Variants in CDKAL1 observed in about 807,000 individuals in gnomAD.
The protein encoded by CDKAL1 is CDKAL1 threonylcarbamoyladenosine tRNA methylthiotransferase, also known as threonylcarbamoyladenosine tRNA methylthiotransferase.
In CDKAL1, 32 loss-of-function variants were observed where a neutral mutation model predicts 68.2. The observed-to-expected ratio is 0.47, with a 90% CI of 0.35 to 0.63. The LOEUF (loss-of-function observed/expected upper bound fraction) is 0.63, where lower values mean the gene tolerates loss of function less well. CDKAL1 is among the 30% of genes least tolerant of loss of function. The pLI is 0.00. For missense variants in CDKAL1, 606 were observed against 696.7 expected, an observed-to-expected ratio of 0.87 and a Z score of 1.47; for synonymous variants, 234 against 244.3, an observed-to-expected ratio of 0.96 and a Z score of 0.39.
intron 8 of CDKAL1, among the ~76,000 whole-genome samples, chr6:20,826,628 T>C (rs1453418144): frequency 6.6e-6 from 1 of 152,162 alleles, no homozygotes; most frequent in Admixed American, 6.6e-5. Context: ...TGCTGCGAGA[T>C]GCATGTGAGT....
intron 8 of CDKAL1, among the ~76,000 whole-genome samples, chr6:20,786,898 A>C (rs1398557928): frequency 2.6e-5 from 4 of 152,128 alleles, no homozygotes; most frequent in African/African-American, 4.8e-5. Flanking sequence ...CATAAAGGAC[A>C]TCTGTGCTTT....
chr6:21,197,157 CAA>C (rs879704581), intron 13 of CDKAL1, among the ~76,000 whole-genome samples: 1 of 140,092 alleles, frequency 7.1e-6, no homozygotes. Context: ...GACTCTGTCT[CAA>C]AAAAAAAAAA....
chr6:21,231,075 C>T lies in CDKAL1; in HGVS notation c.*36C>T. 1 of 1,471,882 alleles carries T rather than the reference C, an allele frequency of 6.8e-7. No individual in the cohort carries two copies. The highest frequency in any genetic ancestry group is 9.3e-7 in the Non-Finnish European group (1 of 1,075,504). 91.2% of individuals were successfully genotyped at this position (1,471,882 alleles called of 1,614,324 possible). A position where few individuals can be genotyped will look rare whatever the true frequency, so the allele number is the denominator to read the frequency against. On this transcript the variant is annotated 3_prime_UTR_variant, in exon 16 of 16. Transcript: ENST00000274695. The stretch of plus-strand genomic sequence containing the variant: ...ATGGAAACATCTATAAAGAAGAATA[C>T]ATTTCTAATTAAAATCTTCAATGAA...
rs192266031 is a variant in CDKAL1 at position 20,938,286 on chromosome 6, G to A, written c.743-17133G>A. ...CTTTCTTACTGTCTGGCACCAGAAA[G>A]TGTTTTAGGCTTACTTTGTACTTTC... On this transcript the variant is annotated intron_variant, in intron 9 of 15. Coordinates refer to ENST00000274695, the MANE Select transcript of CDKAL1 (RefSeq NM_017774.3). Among the ~76,000 whole-genome samples the A allele has an allele frequency of 3.2e-4, 48 of 152,252 alleles. 2 individuals are homozygous for A. In the East Asian group the frequency reaches 9.3e-3, roughly 29 times the overall value.
Position 20,611,686 on chromosome 6 carries a change from AT to A in CDKAL1, c.287-37605del, listed in dbSNP as rs1334875985. Among the ~76,000 whole-genome samples, 4 of 152,138 alleles carry A rather than the reference AT, an allele frequency of 2.6e-5. No individual in the cohort carries two copies. The East Asian group carries it at 7.7e-4, about 29-fold the overall frequency. The stretch of plus-strand genomic sequence containing the variant: ...TGTTATGTGCATACAATGTGTAATG[AT>A]TGAGTCAATATTTGGGGTGTTCATT... On this transcript the variant is annotated intron_variant, in intron 4 of 15. Transcript: ENST00000274695.
At chr6:21,189,665 A>G (rs927872014) in intron 13 of CDKAL1, among the ~76,000 whole-genome samples, 2 of 152,224 alleles carry the variant, frequency 1.3e-5, no homozygotes, top group South Asian at 4.1e-4. Flanking sequence ...TTTCTATGCT[A>G]TCATCATTTT....
intron 9 of CDKAL1, among the ~76,000 whole-genome samples, chr6:20,853,411 A>AC (rs1225043651): frequency 1.4e-5 from 2 of 147,624 alleles, no homozygotes; most frequent in Admixed American, 6.8e-5. Flanking sequence ...ACAAAAAAAA[A>AC]AACCCTATAT....
At chr6:20,747,215 C>T (rs1293775705) in intron 6 of CDKAL1, among the ~76,000 whole-genome samples, 1 of 152,064 alleles carries the variant, frequency 6.6e-6, no homozygotes, top group Non-Finnish European at 1.5e-5. Flanking sequence ...CTTAAATATA[C>T]CACAATTATT....
At chr6:21,078,438 A>T (rs1562012752) in intron 12 of CDKAL1, among the ~76,000 whole-genome samples, 1 of 152,186 alleles carries the variant, frequency 6.6e-6, no homozygotes, top group East Asian at 1.9e-4. Flanking sequence ...TATATGTCAG[A>T]TGTTGTTCTG....
chr6:20,643,126 C>T (rs1768267785), intron 4 of CDKAL1, among the ~76,000 whole-genome samples: 1 of 152,198 alleles, frequency 6.6e-6, no homozygotes, highest in Non-Finnish European at 1.5e-5. Context: ...GCTCAAATCT[C>T]GAAGTAGGTG....
intron 13 of CDKAL1, among the ~76,000 whole-genome samples, chr6:21,143,013 A>G (rs1218641915): frequency 2.6e-5 from 4 of 152,224 alleles, no homozygotes; most frequent in Non-Finnish European, 5.9e-5. Context: ...AGAAGCATAA[A>G]TATCTAATTT....
rs931918123 is a variant in CDKAL1, at chr6:20,901,802, A to G, written c.743-53617A>G. Reference sequence around the variant, plus strand: ...GTTCGTTTGTTTTTTTCTGAGACAGAGTCTCTCTCTGTCATCCAGGCTGGA... The same window carrying G: ...GTTCGTTTGTTTTTTTCTGAGACAGGGTCTCTCTCTGTCATCCAGGCTGGA... On this transcript the variant is annotated intron_variant, in intron 9 of 15. Transcript: ENST00000274695. Among the ~76,000 whole-genome samples the G allele has an allele frequency of 2.0e-5, 3 of 150,716 alleles. No homozygotes were observed. The East Asian group carries it at 5.9e-4, about 30-fold the overall frequency.
At chr6:20,767,130 T>C (rs532779984) in intron 7 of CDKAL1, among the ~76,000 whole-genome samples, 4 of 152,328 alleles carry the variant, frequency 2.6e-5, no homozygotes, top group Middle Eastern at 3.4e-3. Flanking sequence ...ATTACGTGAC[T>C]GGAGAGATTT....
At chr6:20,583,788 C>CG (rs1765231900) in intron 4 of CDKAL1, among the ~76,000 whole-genome samples, 1 of 149,536 alleles carries the variant, frequency 6.7e-6, no homozygotes, top group South Asian at 2.1e-4. Context: ...AAAAGCGCCC[C>CG]CCCCCACTAG....
chr6:20,844,835 G>C (rs1193695468), intron 8 of CDKAL1, among the ~76,000 whole-genome samples: 1 of 152,134 alleles, frequency 6.6e-6, no homozygotes, highest in African/African-American at 2.4e-5. Flanking sequence ...GTTATAGAAA[G>C]GGCAGAATAT....
Position 20,856,694 on chromosome 6 carries a change from G to A in CDKAL1, c.742+10516G>A, listed in dbSNP as rs73372053. Among the ~76,000 whole-genome samples the A allele has an allele frequency of 3.1e-3, 477 of 152,246 alleles. 3 individuals are homozygous for A. Among genetic ancestry groups the A allele is most frequent in the African/African-American group, 0.01 (423 of 41,520 alleles). On this transcript the variant is annotated intron_variant, in intron 9 of 15. Transcript: ENST00000274695. ...GTACAAGAGTTAACCAAATGTTTGC[G>A]TTTACCATTTGAGCTGAGGCTGATC...
chr6:21,114,626 C>T (rs868669420), intron 13 of CDKAL1, among the ~76,000 whole-genome samples: 2 of 151,828 alleles, frequency 1.3e-5, no homozygotes, highest in African/African-American at 4.8e-5. Context: ...TCCAGCTACT[C>T]GGGAGGCTGA....
At chr6:21,153,578 A>G (rs772949508) in intron 13 of CDKAL1, among the ~76,000 whole-genome samples, 2 of 152,160 alleles carry the variant, frequency 1.3e-5, no homozygotes, top group Non-Finnish European at 2.9e-5. Flanking sequence ...TGCTTAGGAA[A>G]CTATCTTGAT....
At chr6:20,798,873 T>TACA in intron 8 of CDKAL1, among the ~76,000 whole-genome samples, 1 of 141,370 alleles carries the variant, frequency 7.1e-6, no homozygotes, top group Non-Finnish European at 1.5e-5. Context: ...GTAACAAACC[T>TACA]ACACGTTGTG....
Sources: allele counts gnomAD v4.1 joint callset (sites outside exome capture counted in the v4.1 genomes callset), GRCh38; gene constraint gnomAD v4.1.1; transcripts MANE v1.5; gene names NCBI Gene and HGNC (gene_info 2026-07-23, HGNC 2026-07-21).